The following ARHGAP42 variants were observed in gnomAD, a reference collection of about 807,000 sequenced individuals.
ARHGAP42 encodes the protein Rho GTPase activating protein 42, also known as rho GTPase-activating protein 42.
In ARHGAP42, 63 loss-of-function variants were observed where a neutral mutation model predicts 125.0. The ratio of observed to expected loss-of-function variants is 0.50; its 90% CI spans 0.41 to 0.62. ARHGAP42 has a LOEUF of 0.62. Ranked by LOEUF, ARHGAP42 falls within the 20% of genes least tolerant of loss-of-function variation. The pLI is 0.00. For synonymous variants in ARHGAP42, 339 were observed against 351.0 expected (o/e 0.97, Z 0.38); for missense variants, 766 against 1,024.2 (o/e 0.75, Z 3.44).
At chr11:100,922,328 T>C (rs1867303979) in intron 6 of ARHGAP42, among the ~76,000 whole-genome samples, 1 of 152,168 alleles carries the variant, frequency 6.6e-6, no homozygotes, top group Non-Finnish European at 1.5e-5. Flanking sequence ...GTAAACCGCG[T>C]TACAGAAAAG....
At chr11:100,837,666 C>CTATTTTTTTTTTTTTTTTTTTTTTTTTTT (rs1555008871) in intron 3 of ARHGAP42, among the ~76,000 whole-genome samples, 2 of 61,040 alleles carry the variant, frequency 3.3e-5, no homozygotes, top group African/African-American at 1.4e-4. Flanking sequence ...AGGTGTCATC[C>CTATTTTTTTTTTTTTTTTTTTTTTTTTTT]TTTTTTTTTT....
intron 21 of ARHGAP42, 128 bp downstream of exon 21, chr11:100,977,099 A>C (rs1591335730): frequency 1.8e-6 from 1 of 569,654 alleles, no homozygotes; most frequent in Non-Finnish European, 2.3e-6. Flanking sequence ...GAGTGGGTAC[A>C]GTCCACTTCT....
intron 1 of ARHGAP42, among the ~76,000 whole-genome samples, chr11:100,749,266 G>T (rs189309592): frequency 6.6e-6 from 1 of 151,684 alleles, no homozygotes; most frequent in Admixed American, 6.6e-5. Context: ...GTCCTGGAAG[G>T]CTCAACCTCT....
chr11:100,945,688 T>A (rs580773), intron 10 of ARHGAP42, among the ~76,000 whole-genome samples: 1 of 151,998 alleles, frequency 6.6e-6, no homozygotes, highest in Non-Finnish European at 1.5e-5. Context: ...ACCTCTTTAA[T>A]CAGAAGGTCT....
At chr11:100,887,846 C>A (rs1349724793) in intron 4 of ARHGAP42, among the ~76,000 whole-genome samples, 1 of 152,128 alleles carries the variant, frequency 6.6e-6, no homozygotes, top group Non-Finnish European at 1.5e-5. Flanking sequence ...GCAGAAAGGC[C>A]CAGCCATTTA....
At chr11:100,813,917 G>T (rs533942720) in intron 3 of ARHGAP42, among the ~76,000 whole-genome samples, 9 of 152,092 alleles carry the variant, frequency 5.9e-5, no homozygotes, top group Non-Finnish European at 1.2e-4. Flanking sequence ...AGAACAGGCC[G>T]GGTGCAGTGG....
At chr11:100,806,876 CT>C (rs150609330) in intron 3 of ARHGAP42, among the ~76,000 whole-genome samples, 7,689 of 150,104 alleles carry the variant, frequency 0.051, 251 homozygotes, top group East Asian at 0.18. Context: ...TGGGACAAGT[CT>C]CACTTTGTTG....
chr11:100,869,942 C>T (rs1210154271), intron 4 of ARHGAP42, among the ~76,000 whole-genome samples: 2 of 152,094 alleles, frequency 1.3e-5, no homozygotes. Flanking sequence ...GATCTTCTTA[C>T]TACATTTTTA....
At chr11:100,786,239 A>C (rs1863430449) in intron 2 of ARHGAP42, among the ~76,000 whole-genome samples, 1 of 152,210 alleles carries the variant, frequency 6.6e-6, no homozygotes, top group African/African-American at 2.4e-5. Flanking sequence ...ACAGGTCCTC[A>C]TTTTCATGAG....
rs1861844265 is a variant in ARHGAP42 at position 100,725,674 on chromosome 11, A to AGCACTTTGTGCAGCGCCTGGAATCGCAG, written c.154+37842_154+37843insGCACTTTGTGCAGCGCCTGGAATCGCAG. On this transcript the variant is annotated intron_variant, in intron 1 of 23. Coordinates refer to ENST00000298815, the MANE Select transcript of ARHGAP42 (RefSeq NM_152432.4). Reference sequence around the variant, plus strand: ...CCAGGTGGCCCGGGCGCAGTGGCTCACGCCTGGAATCGCAGCACTTTGGGA... The same window carrying AGCACTTTGTGCAGCGCCTGGAATCGCAG: ...CCAGGTGGCCCGGGCGCAGTGGCTCAGCACTTTGTGCAGCGCCTGGAATCGCAGCGCCTGGAATCGCAGCACTTTGGGA... Among the ~76,000 whole-genome samples the AGCACTTTGTGCAGCGCCTGGAATCGCAG allele has an allele frequency of 4.0e-5, 6 of 151,862 alleles. No individual in the cohort carries two copies. The South Asian group carries it at 1.3e-3, about 32-fold the overall frequency.
At chr11:100,873,690 T>C (rs1274008039) in intron 4 of ARHGAP42, among the ~76,000 whole-genome samples, 1 of 152,246 alleles carries the variant, frequency 6.6e-6, no homozygotes, top group Non-Finnish European at 1.5e-5. Flanking sequence ...ATATATTTAC[T>C]TATTTAATCT....
At chr11:100,797,773 T>C (rs1006460554) in intron 3 of ARHGAP42, among the ~76,000 whole-genome samples, 2 of 152,372 alleles carry the variant, frequency 1.3e-5, no homozygotes, top group South Asian at 2.1e-4. Context: ...TCAAGTCTTA[T>C]GATTTAAGAA....
intron 1 of ARHGAP42, among the ~76,000 whole-genome samples, chr11:100,735,393 A>G (rs984210178): frequency 3.3e-5 from 5 of 152,128 alleles, no homozygotes; most frequent in African/African-American, 9.7e-5. Flanking sequence ...AGTGACTCCA[A>G]TAATGTCACT....
intron 4 of ARHGAP42, among the ~76,000 whole-genome samples, chr11:100,902,950 C>T (rs1866592304): frequency 6.6e-6 from 1 of 152,066 alleles, no homozygotes; most frequent in Non-Finnish European, 1.5e-5. Context: ...CAATGAACGG[C>T]CCCGAGGTGT....
At chr11:100,779,862 C>T (rs1257643185) in intron 2 of ARHGAP42, among the ~76,000 whole-genome samples, 3 of 151,450 alleles carry the variant, frequency 2.0e-5, no homozygotes, top group Non-Finnish European at 4.4e-5. Flanking sequence ...CCTGTCTCTA[C>T]TAAAAATAGA....
chr11:100,849,601 T>C (rs1275760262), intron 3 of ARHGAP42, among the ~76,000 whole-genome samples: 1 of 152,206 alleles, frequency 6.6e-6, no homozygotes, highest in Non-Finnish European at 1.5e-5. Flanking sequence ...GGTTTTATTT[T>C]TAACAACACT....
intron 1 of ARHGAP42, among the ~76,000 whole-genome samples, chr11:100,697,837 ATGTC>A (rs2120189404): frequency 6.6e-6 from 1 of 152,280 alleles, no homozygotes; most frequent in Non-Finnish European, 1.5e-5. Flanking sequence ...ATTCCTTAAA[ATGTC>A]TGAATGAAAG....
At chr11:100,959,718 C>G (rs1330629955) in intron 12 of ARHGAP42, 165 bp from the exon 13 acceptor site, 3 of 619,168 alleles carry the variant, frequency 4.8e-6, no homozygotes, top group African/African-American at 1.8e-5. Context: ...GTTCCCTCCT[C>G]TACTTCTACC....
chr11:100,903,973 T>C (rs1177796135), intron 4 of ARHGAP42, among the ~76,000 whole-genome samples: 1 of 151,636 alleles, frequency 6.6e-6, no homozygotes, highest in East Asian at 1.9e-4. Context: ...GCCTGCTTTA[T>C]ATTCACTGGG....
Sources: gnomAD v4.1 joint callset for allele counts (sites outside exome capture counted in the v4.1 genomes callset) on GRCh38, gnomAD v4.1.1 for gene constraint, MANE v1.5 for transcripts, NCBI Gene and HGNC (gene_info 2026-07-23, HGNC 2026-07-21) for gene names.